The following DLGAP2 variants were observed in gnomAD, a reference collection of about 807,000 sequenced individuals.
The protein encoded by DLGAP2 is disks large-associated protein 2.
In DLGAP2, 26 loss-of-function variants were observed where a neutral mutation model predicts 100.3. That is an observed-to-expected ratio of 0.26 (90% CI 0.19 to 0.36). The LOEUF is 0.36. Ranked by LOEUF, DLGAP2 falls within the 10% of genes least tolerant of loss-of-function variation. The pLI is 1.00. For synonymous variants in DLGAP2, 886 were observed against 630.1 expected, an observed-to-expected ratio of 1.41 and a Z score of -6.08; for missense variants, 1,858 against 1,453.2, an observed-to-expected ratio of 1.28 and a Z score of -4.53.
chr8:1,018,683 T>C (rs1801541839), intron 2 of DLGAP2: 1 of 152,264 alleles, frequency 6.6e-6, no homozygotes, highest in Non-Finnish European at 1.5e-5. Context: ...GTTCATACTT[T>C]TTACATTTAA....
intron 2 of DLGAP2, among the ~76,000 whole-genome samples, chr8:1,045,355 T>A (rs1802486060): frequency 6.6e-6 from 1 of 152,220 alleles, no homozygotes; most frequent in Non-Finnish European, 1.5e-5. Context: ...TACTTTTAAA[T>A]GTTTTCATTT....
intron 2 of DLGAP2, among the ~76,000 whole-genome samples, chr8:1,058,199 G>T (rs1337724045): frequency 6.6e-6 from 1 of 152,054 alleles, no homozygotes; most frequent in Non-Finnish European, 1.5e-5. Context: ...GGCGGGTCTG[G>T]GGGTGTGGCC....
intron 1 of DLGAP2, among the ~76,000 whole-genome samples, chr8:834,751 G>T (rs1177011330): frequency 6.6e-6 from 1 of 152,012 alleles, no homozygotes. Flanking sequence ...GATCCTATTG[G>T]GTACTATGCT....
chr8:833,320 A>T (rs994438582), intron 1 of DLGAP2, among the ~76,000 whole-genome samples: 7 of 152,266 alleles, frequency 4.6e-5, no homozygotes, highest in African/African-American at 1.7e-4. Flanking sequence ...TAAACCATAC[A>T]CATTTATTAT....
chr8:1,556,511 G>T (rs759571300), intron 5 of DLGAP2, among the ~76,000 whole-genome samples: 7 of 152,210 alleles, frequency 4.6e-5, no homozygotes, highest in Admixed American at 3.9e-4. Context: ...AGGCTTGTCT[G>T]TTCCCGCTGA....
chr8:1,194,329 G>C (rs1797704633), intron 2 of DLGAP2, among the ~76,000 whole-genome samples: 1 of 152,110 alleles, frequency 6.6e-6, no homozygotes, highest in African/African-American at 2.4e-5. Flanking sequence ...CCGGCTGGTG[G>C]AGGGAGCCCG....
intron 3 of DLGAP2, among the ~76,000 whole-genome samples, chr8:1,350,911 G>T (rs1801705959): frequency 7.5e-6 from 1 of 134,120 alleles, no homozygotes; most frequent in Non-Finnish European, 1.6e-5. Context: ...GGCCGTGCGG[G>T]TCCTGACTGT....
At chr8:1,419,322 CGT>C (rs142626887) in intron 3 of DLGAP2, among the ~76,000 whole-genome samples, 3,308 of 54,466 alleles carry the variant, frequency 0.061, 265 homozygotes, top group Middle Eastern at 0.09. Context: ...CACTCTGATA[CGT>C]GTGTGTGTGT....
intron 2 of DLGAP2, among the ~76,000 whole-genome samples, chr8:1,148,645 C>G (rs1376358428): frequency 6.6e-6 from 1 of 152,066 alleles, no homozygotes; most frequent in East Asian, 1.9e-4. Context: ...AAAACATTTT[C>G]TAATTTTCAT....
intron 2 of DLGAP2, among the ~76,000 whole-genome samples, chr8:986,434 T>G (rs920194890): frequency 6.6e-6 from 1 of 152,214 alleles, no homozygotes; most frequent in Non-Finnish European, 1.5e-5. Flanking sequence ...CTCTAGACAT[T>G]TTAGTATCTT....
At chr8:915,926 A>G (rs1798583233) in intron 2 of DLGAP2, among the ~76,000 whole-genome samples, 1 of 109,476 alleles carries the variant, frequency 9.1e-6, no homozygotes, top group Admixed American at 9.9e-5. Context: ...CTCATTGTAC[A>G]CTCTCCGCAC....
At position 1,092,309 on chromosome 8, in the gene DLGAP2, C is replaced by CAG. The variant is rs1804211582; in HGVS notation, c.74-166542_74-166541insAG. Among the ~76,000 whole-genome samples, 5 of 152,354 alleles carry CAG rather than the reference C, an allele frequency of 3.3e-5. No individual in the cohort carries two copies. The South Asian group carries it at 1.0e-3, about 32-fold the overall frequency. On this transcript the variant is annotated intron_variant, in intron 2 of 14. Transcript: ENST00000637795. ...TGTGCCGGGCTGGCACCTCCACAGCCCTCTGCTGATGTGCAATATGTGTGC... is the reference window on the plus strand; with the variant it reads ...TGTGCCGGGCTGGCACCTCCACAGCCAGCTCTGCTGATGTGCAATATGTGTGC...
chr8:1,587,676 T>C (rs1443955646), intron 6 of DLGAP2, among the ~76,000 whole-genome samples: 1 of 152,210 alleles, frequency 6.6e-6, no homozygotes, highest in Non-Finnish European at 1.5e-5. Flanking sequence ...GAGATAGGGT[T>C]ACTATTAAAA....
Position 1,559,644 on chromosome 8 carries a change from G to A in DLGAP2, c.1231-6039G>A, listed in dbSNP as rs868571995. ...AAAAATCTTTACTTTGTTTTTTATG[G>A]AAACATGTTTTTAATTCACAAAAAA... On this transcript the variant is annotated intron_variant, in intron 5 of 14. Coordinates refer to ENST00000637795, the MANE Select transcript of DLGAP2 (RefSeq NM_001346810.2). Among the ~76,000 whole-genome samples the A allele has an allele frequency of 2.6e-5, 4 of 152,142 alleles. No homozygotes were observed. In the South Asian group the frequency reaches 8.3e-4, roughly 32 times the overall value.
chr8:792,094 T>C (rs548612844), intron 1 of DLGAP2, among the ~76,000 whole-genome samples: 1 of 152,372 alleles, frequency 6.6e-6, no homozygotes, highest in South Asian at 2.1e-4. Context: ...TTTTCTACTT[T>C]GATGAAGAAT....
In DLGAP2 at chr8:1,548,913, G is replaced by A. The variant is rs1584915493; in HGVS notation, c.460G>A (p.Asp154Asn). The part of the protein sequence containing the change: ...ECVMMPVVLG[D>N]HVSSSTFPRM... The stretch of plus-strand genomic sequence containing the variant: ...CGTGATGATGCCGGTGGTGCTGGGC[G>A]ACCACGTGTCCAGCAGCACCTTCCC... Residue 154 changes from aspartate (D) to asparagine (N), a missense_variant, in exon 5 of 15, where the codon GAC (aspartate) becomes AAC (asparagine). Asp to Asn is a conservative substitution (Grantham distance 23). Coordinates refer to ENST00000637795, the MANE Select transcript of DLGAP2 (RefSeq NM_001346810.2). 1 of 1,597,968 alleles carries A rather than the reference G, an allele frequency of 6.3e-7. No homozygotes were observed. Among genetic ancestry groups the A allele is most frequent in the Non-Finnish European group, 8.5e-7 (1 of 1,178,958 alleles).
intron 1 of DLGAP2, among the ~76,000 whole-genome samples, chr8:876,593 A>G (rs1797690287): frequency 6.6e-6 from 1 of 152,080 alleles, no homozygotes; most frequent in East Asian, 1.9e-4. Context: ...CAGTATTTGT[A>G]CTGTGACTTA....
Position 1,013,110 on chromosome 8 carries a change from T to G in DLGAP2, c.73+105144T>G, listed in dbSNP as rs1310632248. 2.6e-5 allele frequency among the ~76,000 whole-genome samples: 4 copies of G among 152,170 alleles called. No individual in the cohort carries two copies. The South Asian group carries it at 8.3e-4, about 32-fold the overall frequency. On this transcript the variant is annotated intron_variant, in intron 2 of 14. Coordinates refer to ENST00000637795, the MANE Select transcript of DLGAP2 (RefSeq NM_001346810.2). Reference sequence around the variant, plus strand: ...ACCTATGTTCTTTGTGGTCCATTATTATGTCTTTTCCCTGTTCCAGTTTTT... The same window carrying G: ...ACCTATGTTCTTTGTGGTCCATTATGATGTCTTTTCCCTGTTCCAGTTTTT...
chr8:1,516,339 ATGAG>A lies in DLGAP2; in HGVS notation c.172+14916_172+14919del, dbSNP rs149989104. Among the ~76,000 whole-genome samples the A allele has an allele frequency of 1.4e-3, 203 of 149,082 alleles. 4 individuals are homozygous for A. The East Asian group carries it at 0.036, about 26-fold the overall frequency. On this transcript the variant is annotated intron_variant, in intron 4 of 14. Transcript: ENST00000637795. Reference sequence around the variant, plus strand: ...AGGGAGGGAGTGAATGAGTTCATGAATGAGTGAGTGAATAAGGGAGGGAGTGAAT... The same window carrying A: ...AGGGAGGGAGTGAATGAGTTCATGAATGAGTGAATAAGGGAGGGAGTGAAT...
Sources: gnomAD v4.1 joint callset for allele counts (sites outside exome capture counted in the v4.1 genomes callset) on GRCh38, gnomAD v4.1.1 for gene constraint, MANE v1.5 for transcripts, NCBI Gene and HGNC (gene_info 2026-07-23, HGNC 2026-07-21) for gene names.